KMT5B: variants seen among roughly 807,000 people sequenced by gnomAD.
KMT5B encodes lysine methyltransferase 5B, also known as histone-lysine N-methyltransferase KMT5B.
In KMT5B, 10 loss-of-function variants were observed where a neutral mutation model predicts 83.2. The observed-to-expected ratio is 0.12, with a 90% confidence interval of 0.07 to 0.20. KMT5B has a LOEUF of 0.20. Ranked by LOEUF, KMT5B falls within the 10% of genes least tolerant of loss-of-function variation. The probability of loss-of-function intolerance (pLI) is 1.00; values close to 1 mark genes in which losing one functional copy is unlikely to be tolerated. For missense variants in KMT5B, 753 were observed against 1,067.2 expected (o/e 0.71, Z 4.10); for synonymous variants, 349 against 388.8 (o/e 0.90, Z 1.20).
intron 1 of KMT5B, among the ~76,000 whole-genome samples, chr11:68,197,368 C>A (rs980319138): frequency 2.0e-5 from 3 of 152,152 alleles, no homozygotes; most frequent in African/African-American, 7.2e-5. Context: ...GTAAGACCTC[C>A]AGGTGATGCA....
chr11:68,177,229 G>A (rs1856471203), intron 4 of KMT5B, among the ~76,000 whole-genome samples: 1 of 152,194 alleles, frequency 6.6e-6, no homozygotes, highest in African/African-American at 2.4e-5. Flanking sequence ...ATATGCAAAT[G>A]CATGTTAATA....
intron 1 of KMT5B, among the ~76,000 whole-genome samples, chr11:68,207,354 AAAG>A (rs1226485371): frequency 6.6e-6 from 1 of 152,208 alleles, no homozygotes; most frequent in Non-Finnish European, 1.5e-5. Context: ...ACACCCTATA[AAAG>A]AAGATACAAA....
At chr11:68,165,759 G>A in intron 10 of KMT5B, 1 of 1,487,104 alleles carries the variant, frequency 6.7e-7, no homozygotes, top group Non-Finnish European at 9.0e-7. Flanking sequence ...ACAGTCAACA[G>A]TTAATGATTG....
In KMT5B at chr11:68,177,969, C is replaced by T. The variant is rs192245241; in HGVS notation, c.377+2163G>A. Among the ~76,000 whole-genome samples, 233 of 152,246 alleles carry T rather than the reference C, an allele frequency of 1.5e-3. 1 individual carries two copies. Among genetic ancestry groups the T allele is most frequent in the African/African-American group, 5.2e-3 (216 of 41,538 alleles). ...TACATGGTTATTTGCACATGAAGGA[C>T]AGATAAGACAACAAAGCAGCTCTCA... On this transcript the variant is annotated intron_variant, in intron 4 of 10. Coordinates refer to ENST00000304363, the MANE Select transcript of KMT5B (RefSeq NM_017635.5).
At chr11:68,202,135 A>G (rs997147134) in intron 1 of KMT5B, among the ~76,000 whole-genome samples, 7 of 152,226 alleles carry the variant, frequency 4.6e-5, no homozygotes, top group African/African-American at 1.7e-4. Context: ...AGAAAGGCAA[A>G]GAAAACATTT....
At position 68,173,950 on chromosome 11, in the gene KMT5B, T is replaced by C. The variant is rs757868337; in HGVS notation, c.544-37A>G. ...AAAAAAAATTGATAATGACTTTAAATGGTATACCCTGCTAGACTTTCTTAC... is the reference window on the plus strand; with the variant it reads ...AAAAAAAATTGATAATGACTTTAAACGGTATACCCTGCTAGACTTTCTTAC... On this transcript the variant is annotated intron_variant, in intron 5 of 10. Transcript: ENST00000304363. 7.5e-6 allele frequency: 10 copies of C among 1,325,996 alleles called. No homozygotes were observed. In the East Asian group the frequency reaches 1.6e-4, roughly 21 times the overall value. 82.1% of individuals were successfully genotyped at this position (1,325,996 alleles called of 1,614,324 possible).
chr11:68,206,929 T>C (rs1860187864), intron 1 of KMT5B, among the ~76,000 whole-genome samples: 1 of 152,174 alleles, frequency 6.6e-6, no homozygotes, highest in South Asian at 2.1e-4. Flanking sequence ...AACTTCTGGC[T>C]GCAACACGCA....
At chr11:68,187,073 C>G (rs542395366) in intron 2 of KMT5B, among the ~76,000 whole-genome samples, 16 of 151,972 alleles carry the variant, frequency 1.1e-4, no homozygotes, top group African/African-American at 3.9e-4. Flanking sequence ...CACAGCTCAC[C>G]GCAGCCTCGA....
intron 1 of KMT5B, among the ~76,000 whole-genome samples, chr11:68,194,189 G>GTTT (rs1160247623): frequency 3.1e-5 from 4 of 130,630 alleles, no homozygotes; most frequent in Non-Finnish European, 3.3e-5. Context: ...CAAGTACCAA[G>GTTT]TTTTTTTTTT....
intron 3 of KMT5B, among the ~76,000 whole-genome samples, chr11:68,184,511 A>T (rs943398527): frequency 6.6e-6 from 1 of 152,172 alleles, no homozygotes; most frequent in African/African-American, 2.4e-5. Context: ...AAAAGGGGGG[A>T]AACAGGACAC....
chr11:68,178,987 A>G lies in KMT5B; in HGVS notation c.377+1145T>C, dbSNP rs144350344. 9.0e-3 allele frequency among the ~76,000 whole-genome samples: 1,365 copies of G among 152,332 alleles called. 16 individuals are homozygous for G. The highest frequency in any genetic ancestry group is 0.031 in the African/African-American group (1,292 of 41,564). On this transcript the variant is annotated intron_variant, in intron 4 of 10. Transcript: ENST00000304363. Reference sequence around the variant, plus strand: ...AATAAGGCCCAACAAGGCTGAGTAGATTGCCAATGACTTAGGGTTAATGAA... The same window carrying G: ...AATAAGGCCCAACAAGGCTGAGTAGGTTGCCAATGACTTAGGGTTAATGAA...
chr11:68,171,215 AT>A lies in KMT5B; in HGVS notation c.840+16del. ...AGCAAAAACAAAATACTTGAAGAAA[AT>A]TTTTTTAATGCTTACCTTACAATTA... On this transcript the variant is annotated intron_variant, in intron 8 of 10. Coordinates refer to ENST00000304363, the MANE Select transcript of KMT5B (RefSeq NM_017635.5). The surrounding 1 kb of genome is among the most constrained non-coding windows in gnomAD (Gnocchi z 5.1). 1.2e-6 allele frequency: 2 copies of A among 1,602,456 alleles called. No individual in the cohort carries two copies. Among genetic ancestry groups the A allele is most frequent in the East Asian group, 2.2e-5 (1 of 44,814 alleles).
chr11:68,159,471 C>T (rs552292024), intron 10 of KMT5B, among the ~76,000 whole-genome samples: 1 of 152,314 alleles, frequency 6.6e-6, no homozygotes, highest in South Asian at 2.1e-4. Flanking sequence ...GACACTGGCC[C>T]AAACGAACGC....
chr11:68,176,568 G>A (rs776296781), intron 4 of KMT5B: 16 of 152,088 alleles, frequency 1.1e-4, no homozygotes, highest in Non-Finnish European at 1.5e-4. Flanking sequence ...GATGGATCAC[G>A]AGGTCAGGAG....
intron 10 of KMT5B, chr11:68,164,772 TA>T: frequency 4.3e-6 from 2 of 462,078 alleles, no homozygotes; most frequent in Non-Finnish European, 8.7e-6. Context: ...GACTTCAGCT[TA>T]AAGCGATTAT....
intron 4 of KMT5B, chr11:68,176,526 C>G (rs1856394422): frequency 6.6e-6 from 1 of 152,146 alleles, no homozygotes; most frequent in South Asian, 2.1e-4. Context: ...TGGCTCTCAC[C>G]TATAATCCCA....
Position 68,180,166 on chromosome 11 carries a change from T to G in KMT5B, c.343A>C (p.Lys115Gln). ...TTGTTGTGAGAAAAACTGTCAGATT[T>G]TGAAAAATGCCTTGAGCTCCTCGAA... ...FPSRSSRHFS[K>Q]SDSFSHNNPV... Residue 115 changes from lysine (K) to glutamine (Q), a missense_variant, in exon 4 of 11, where the codon AAA (lysine) becomes CAA (glutamine). Coordinates refer to ENST00000304363, the MANE Select transcript of KMT5B (RefSeq NM_017635.5). 6.3e-7 allele frequency: 1 copy of G among 1,578,654 alleles called. No homozygotes were observed. The highest frequency in any genetic ancestry group is 8.7e-7 in the Non-Finnish European group (1 of 1,151,892).
intron 1 of KMT5B, among the ~76,000 whole-genome samples, chr11:68,208,187 G>A (rs1860407804): frequency 6.7e-6 from 1 of 150,222 alleles, no homozygotes; most frequent in Non-Finnish European, 1.5e-5. Flanking sequence ...GGTGGCTCAC[G>A]CCTGTAATCC....
rs1379342295 is a variant in KMT5B, at chr11:68,155,129, A to T, written c.*2559T>A. On this transcript the variant is annotated 3_prime_UTR_variant, in exon 11 of 11. Transcript: ENST00000304363. The stretch of plus-strand genomic sequence containing the variant: ...CTATGATCATCTCCTAATTCTTACA[A>T]TGCCAAAATCTTAACCAATCATTGC... 6.6e-6 allele frequency: 1 copy of T among 152,246 alleles called. No homozygotes were observed. The highest frequency in any genetic ancestry group is 1.5e-5 in the Non-Finnish European group (1 of 68,032). The allele number at this position is 152,246 out of a possible 1,614,324, so 9.4% of individuals were successfully genotyped here. A position where few individuals can be genotyped will look rare whatever the true frequency, so the allele number is the denominator to read the frequency against.
Sources: allele counts gnomAD v4.1 joint callset (sites outside exome capture counted in the v4.1 genomes callset), GRCh38; gene constraint gnomAD v4.1.1; non-coding constraint Gnocchi (gnomAD v3.1); transcripts MANE v1.5; gene names NCBI Gene and HGNC (gene_info 2026-07-23, HGNC 2026-07-21).